RNF2: variants seen among roughly 807,000 people sequenced by gnomAD.
RNF2 encodes E3 ubiquitin-protein ligase RING2.
A neutral mutation model predicts 37.2 loss-of-function variants in RNF2; 6 were observed. The observed-to-expected ratio is 0.16, with a 90% CI of 0.09 to 0.32. RNF2 has a LOEUF of 0.32. Ranked by LOEUF, RNF2 falls within the 10% of genes least tolerant of loss-of-function variation. RNF2 has a pLI of 1.00. For missense variants in RNF2, 251 were observed against 404.0 expected, an observed-to-expected ratio of 0.62 and a Z score of 3.25; for synonymous variants, 133 against 132.7, an observed-to-expected ratio of 1.00 and a Z score of -0.02.
At chr1:185,088,875 T>A (rs1651682036) in intron 2 of RNF2, among the ~76,000 whole-genome samples, 1 of 152,104 alleles carries the variant, frequency 6.6e-6, no homozygotes, top group South Asian at 2.1e-4. Context: ...AGAGATGATT[T>A]AAAGCAGCAT....
At chr1:185,050,195 T>G (rs1336656636) in intron 1 of RNF2, among the ~76,000 whole-genome samples, 1 of 152,234 alleles carries the variant, frequency 6.6e-6, no homozygotes, top group Non-Finnish European at 1.5e-5. Context: ...GTGCAAGGGA[T>G]TAGGAATAGA....
At chr1:185,066,266 A>AT (rs1650797040) in intron 1 of RNF2, among the ~76,000 whole-genome samples, 1 of 151,870 alleles carries the variant, frequency 6.6e-6, no homozygotes, top group Admixed American at 6.6e-5. Flanking sequence ...TCACATTTAA[A>AT]TTTTTCAGCC....
chr1:185,093,965 C>T (rs924673513), intron 4 of RNF2, among the ~76,000 whole-genome samples: 11 of 152,052 alleles, frequency 7.2e-5, no homozygotes, highest in Non-Finnish European at 1.5e-4. Context: ...ATATCCAGCC[C>T]GGACTTACCT....
intron 1 of RNF2, among the ~76,000 whole-genome samples, chr1:185,084,498 G>GT (rs1053952830): frequency 2.6e-5 from 4 of 152,140 alleles, no homozygotes; most frequent in African/African-American, 9.7e-5. Context: ...GAGGGGTTTT[G>GT]TTTCCCCCTT....
chr1:185,055,351 T>A (rs1650401844), intron 1 of RNF2, among the ~76,000 whole-genome samples: 1 of 152,224 alleles, frequency 6.6e-6, no homozygotes, highest in Non-Finnish European at 1.5e-5. Context: ...TTAGATTTTC[T>A]TATTGGGGTG....
chr1:185,045,967 C>G (rs1285300900), intron 1 of RNF2: 1 of 151,912 alleles, frequency 6.6e-6, no homozygotes, highest in Non-Finnish European at 1.5e-5. Context: ...TTCCTCTGCG[C>G]GGAGGCCGGC....
chr1:185,085,718 A>T (rs557697668), intron 1 of RNF2, among the ~76,000 whole-genome samples: 1 of 151,300 alleles, frequency 6.6e-6, no homozygotes, highest in Admixed American at 6.6e-5. Context: ...CAATGGCGCG[A>T]TCTCAGCTCA....
chr1:185,083,583 A>G (rs916977501), intron 1 of RNF2, among the ~76,000 whole-genome samples: 13 of 152,076 alleles, frequency 8.5e-5, no homozygotes, highest in Admixed American at 5.2e-4. Context: ...CAGACTTTTG[A>G]GTAGCTGGGA....
chr1:185,046,286 T>G (rs1650117867), intron 1 of RNF2: 1 of 152,260 alleles, frequency 6.6e-6, no homozygotes, highest in Non-Finnish European at 1.5e-5. Context: ...TGTTGCTGCT[T>G]TCTAAAACCG....
chr1:185,071,035 G>A (rs368811125), intron 1 of RNF2, among the ~76,000 whole-genome samples: 2 of 152,140 alleles, frequency 1.3e-5, no homozygotes, highest in African/African-American at 4.8e-5. Flanking sequence ...AGTATACTTT[G>A]TTTGCCAAGT....
At chr1:185,062,874 T>C (rs1650654334) in intron 1 of RNF2, among the ~76,000 whole-genome samples, 1 of 151,794 alleles carries the variant, frequency 6.6e-6, no homozygotes, top group African/African-American at 2.4e-5. Context: ...TGATTGAGGC[T>C]TGCCAATTAA....
chr1:185,050,352 GCCTA>G (rs771602504), intron 1 of RNF2, among the ~76,000 whole-genome samples: 5 of 152,196 alleles, frequency 3.3e-5, no homozygotes, highest in Non-Finnish European at 7.3e-5. Flanking sequence ...CCTCTTCTCT[GCCTA>G]CCTAACTTTA....
chr1:185,056,103 A>T (rs913473895), intron 1 of RNF2, among the ~76,000 whole-genome samples: 13 of 152,006 alleles, frequency 8.6e-5, no homozygotes, highest in African/African-American at 3.1e-4. Context: ...ATCAGTTTGG[A>T]TTGCTCTGTG....
At chr1:185,092,176 C>CCCTTT (rs1386369331) in intron 3 of RNF2, among the ~76,000 whole-genome samples, 1 of 151,030 alleles carries the variant, frequency 6.6e-6, no homozygotes, top group African/African-American at 2.4e-5. Flanking sequence ...TTCCCCTTTC[C>CCCTTT]CCTTTCCTTT....
At chr1:185,077,005 A>G (rs989739802) in intron 1 of RNF2, among the ~76,000 whole-genome samples, 1 of 152,108 alleles carries the variant, frequency 6.6e-6, no homozygotes, top group Non-Finnish European at 1.5e-5. Context: ...GTTAAGTTGT[A>G]GAGTTTTGTC....
intron 1 of RNF2, among the ~76,000 whole-genome samples, chr1:185,073,325 TTTA>T (rs1211527962): frequency 6.6e-6 from 1 of 152,146 alleles, no homozygotes; most frequent in Admixed American, 6.5e-5. Context: ...GCTGGGTAAA[TTTA>T]TTAAGAGAGT....
At position 185,099,812 on chromosome 1, in the gene RNF2, C is replaced by T. The variant is rs764575823; in HGVS notation, c.759C>T (p.Asn253=). The T allele has an allele frequency of 2.1e-5, 34 of 1,613,664 alleles. No homozygotes were observed. The East Asian group carries it at 2.7e-4, about 13-fold the overall frequency. ...AQTRYIKTSG[N]ATVDHLSKYL... Reference sequence around the variant, plus strand: ...CTAGATACATAAAGACTTCTGGTAACGCCACTGTTGATCACTTATCCAAGT... The same window carrying T: ...CTAGATACATAAAGACTTCTGGTAATGCCACTGTTGATCACTTATCCAAGT... The change falls in exon 6 of 7, where the codon AAC becomes AAT. Residue 253 remains asparagine, a synonymous_variant. Coordinates refer to ENST00000367510, the MANE Select transcript of RNF2 (RefSeq NM_007212.4).
At chr1:185,097,520 T>A (rs12044997) in intron 4 of RNF2, among the ~76,000 whole-genome samples, 15,029 of 152,286 alleles carry the variant, frequency 0.099, 973 homozygotes, top group East Asian at 0.26. Flanking sequence ...TTAATTCTTA[T>A]AGTCTTTTGT....
At chr1:185,054,578 C>A (rs1308557992) in intron 1 of RNF2, among the ~76,000 whole-genome samples, 1 of 152,174 alleles carries the variant, frequency 6.6e-6, no homozygotes, top group African/African-American at 2.4e-5. Context: ...AAATGGCGGC[C>A]GCCAGGACCC....
Sources: allele counts gnomAD v4.1 joint callset (sites outside exome capture counted in the v4.1 genomes callset), GRCh38; gene constraint gnomAD v4.1.1; transcripts MANE v1.5; gene names NCBI Gene and HGNC (gene_info 2026-07-23, HGNC 2026-07-21).